Variants in KCNMA1 observed in about 807,000 individuals in gnomAD.
KCNMA1 encodes Calcium-activated potassium channel subunit alpha-1.
In KCNMA1, 29 loss-of-function variants were observed where a neutral mutation model predicts 140.0. The observed-to-expected ratio is 0.21, with a 90% CI of 0.15 to 0.28. The LOEUF (loss-of-function observed/expected upper bound fraction) is 0.28. Ranked by LOEUF, KCNMA1 falls within the 10% of genes least tolerant of loss-of-function variation. KCNMA1 has a pLI of 1.00. For missense variants in KCNMA1, 880 were observed against 1,602.2 expected, an observed-to-expected ratio of 0.55 and a Z score of 7.70; for synonymous variants, 612 against 611.9, an observed-to-expected ratio of 1.00 and a Z score of 0.00.
chr10:77,133,961 G>C (rs2097918784), intron 5 of KCNMA1, among the ~76,000 whole-genome samples: 1 of 152,116 alleles, frequency 6.6e-6, no homozygotes, highest in East Asian at 1.9e-4. Context: ...CTAAGCAGTA[G>C]AGAAATAGAC....
chr10:77,372,838 T>C (rs2094832518), intron 2 of KCNMA1: 1 of 152,208 alleles, frequency 6.6e-6, no homozygotes, highest in Non-Finnish European at 1.5e-5. Context: ...GACTTGGTTC[T>C]ATTAGCAGGG....
At chr10:77,185,803 G>C (rs1051980037) in intron 3 of KCNMA1, among the ~76,000 whole-genome samples, 1 of 152,054 alleles carries the variant, frequency 6.6e-6, no homozygotes. Flanking sequence ...GGCTGGGTGG[G>C]AAGTAGGAAA....
chr10:77,554,813 G>A (rs1455109572), intron 1 of KCNMA1, among the ~76,000 whole-genome samples: 3 of 151,930 alleles, frequency 2.0e-5, no homozygotes, highest in Admixed American at 6.6e-5. Context: ...CTGATCTCTC[G>A]GGCACAGTCA....
rs141656183 is a variant in KCNMA1 at position 77,025,989 on chromosome 10, GA to G, written c.1928+1833del. 4.1e-4 allele frequency among the ~76,000 whole-genome samples: 54 copies of G among 131,872 alleles called. 2 individuals carry two copies. Among genetic ancestry groups the G allele is most frequent in the South Asian group, 1.0e-3 (4 of 3,962 alleles). The allele number at this position is 131,872 out of a possible 152,430, so 86.5% of individuals were successfully genotyped here. ...CAAGTCCTTTTTGCCCTTTTCTGAA[GA>G]AAAAAAAAATATATATATATATATA... is the stretch of plus-strand genomic sequence containing the variant. On this transcript the variant is annotated intron_variant, in intron 16 of 27. Coordinates refer to ENST00000286628, the MANE Select transcript of KCNMA1 (RefSeq NM_001161352.2).
In KCNMA1 at chr10:77,564,204, G is replaced by C. The variant is rs113142158; in HGVS notation, c.378+73061C>G. Among the ~76,000 whole-genome samples the C allele has an allele frequency of 8.0e-3, 1,221 of 152,300 alleles. 16 individuals are homozygous for C. Among genetic ancestry groups the C allele is most frequent in the African/African-American group, 0.028 (1,159 of 41,558 alleles). On this transcript the variant is annotated intron_variant, in intron 1 of 27. Coordinates refer to ENST00000286628, the MANE Select transcript of KCNMA1 (RefSeq NM_001161352.2). ...AGAGAAGAGTGAATTCACAGTGACA[G>C]TGCAATCAATAAAGGCTTCCTGCAA...
intron 1 of KCNMA1, among the ~76,000 whole-genome samples, chr10:77,538,770 C>G (rs2059495062): frequency 6.6e-6 from 1 of 152,100 alleles, no homozygotes; most frequent in African/African-American, 2.4e-5. Flanking sequence ...TCTGACCCAA[C>G]AGAGGGCCTC....
At chr10:77,229,001 G>A (rs550825313) in intron 3 of KCNMA1, among the ~76,000 whole-genome samples, 1 of 152,246 alleles carries the variant, frequency 6.6e-6, no homozygotes, top group African/African-American at 2.4e-5. Context: ...TAGGGAATGT[G>A]TGCTTCCATC....
At chr10:77,206,801 G>C (rs2154166786) in intron 3 of KCNMA1, among the ~76,000 whole-genome samples, 1 of 149,676 alleles carries the variant, frequency 6.7e-6, no homozygotes, top group Admixed American at 6.7e-5. Flanking sequence ...AAGGAATAAA[G>C]GGAGGCAGGG....
intron 2 of KCNMA1, among the ~76,000 whole-genome samples, chr10:77,292,019 G>A (rs2073437956): frequency 1.3e-5 from 2 of 152,142 alleles, no homozygotes. Context: ...TGAACTAAGG[G>A]ATGAAAGTTT....
chr10:76,973,886 C>T (rs1217176349), intron 19 of KCNMA1: 1 of 152,188 alleles, frequency 6.6e-6, no homozygotes, highest in Non-Finnish European at 1.5e-5. Flanking sequence ...CCCAGCCTTC[C>T]CTAATTCAGT....
chr10:77,602,904 T>C (rs1450855639), intron 1 of KCNMA1, among the ~76,000 whole-genome samples: 4 of 152,196 alleles, frequency 2.6e-5, no homozygotes, highest in South Asian at 4.1e-4. Flanking sequence ...TGAGTGCTTA[T>C]TTGACAAGCA....
rs117167233 is a variant in KCNMA1 at position 76,900,363 on chromosome 10, T to G, written c.3148-8644A>C. Reference sequence around the variant, plus strand: ...TGGGGACTTCCAGAGGGAAAAATAATGCATACCTGAACTGATAGACGTATT... The same window carrying G: ...TGGGGACTTCCAGAGGGAAAAATAAGGCATACCTGAACTGATAGACGTATT... On this transcript the variant is annotated intron_variant, in intron 25 of 27. Coordinates refer to ENST00000286628, the MANE Select transcript of KCNMA1 (RefSeq NM_001161352.2). Among the ~76,000 whole-genome samples, 209 of 152,204 alleles carry G rather than the reference T, an allele frequency of 1.4e-3. 3 individuals carry two copies. The East Asian group carries it at 0.037, about 27-fold the overall frequency.
chr10:77,131,964 C>CAA (rs34972346), intron 5 of KCNMA1, among the ~76,000 whole-genome samples: 3 of 92,504 alleles, frequency 3.2e-5, no homozygotes, highest in African/African-American at 8.3e-5. Context: ...GACTCGGTCT[C>CAA]AAAAAAAAAA....
At chr10:77,115,168 T>C (rs1298727293) in intron 6 of KCNMA1, among the ~76,000 whole-genome samples, 1 of 152,228 alleles carries the variant, frequency 6.6e-6, no homozygotes, top group East Asian at 1.9e-4. Flanking sequence ...GAGTTGATTC[T>C]GACAGTTCAT....
At chr10:77,290,442 C>A (rs1157916549) in intron 2 of KCNMA1, among the ~76,000 whole-genome samples, 1 of 152,196 alleles carries the variant, frequency 6.6e-6, no homozygotes, top group Non-Finnish European at 1.5e-5. Flanking sequence ...GGACTGAAGG[C>A]CTGGGGTCCC....
intron 24 of KCNMA1, 59 bp from the exon 25 acceptor site, chr10:76,910,155 G>A: frequency 6.3e-7 from 1 of 1,590,238 alleles, no homozygotes. Context: ...ATTGAAGCCA[G>A]AGGGAGACCA....
chr10:77,626,398 T>C (rs187761054), intron 1 of KCNMA1, among the ~76,000 whole-genome samples: 1 of 152,266 alleles, frequency 6.6e-6, no homozygotes, highest in East Asian at 1.9e-4. Flanking sequence ...GAGGAAAGTG[T>C]TCCCAGATGC....
intron 1 of KCNMA1, among the ~76,000 whole-genome samples, chr10:77,592,611 G>A (rs2079549891): frequency 6.6e-6 from 1 of 152,202 alleles, no homozygotes; most frequent in South Asian, 2.1e-4. Flanking sequence ...CTTAAATAGA[G>A]AAGTGACATG....
At chr10:77,391,826 T>C (rs2095838484) in intron 2 of KCNMA1, among the ~76,000 whole-genome samples, 1 of 151,832 alleles carries the variant, frequency 6.6e-6, no homozygotes, top group Non-Finnish European at 1.5e-5. Context: ...TTTCCAAGCA[T>C]GCACTCCCCT....
Sources: allele counts gnomAD v4.1 joint callset (sites outside exome capture counted in the v4.1 genomes callset), GRCh38; gene constraint gnomAD v4.1.1; transcripts MANE v1.5; gene names NCBI Gene and HGNC (gene_info 2026-07-23, HGNC 2026-07-21).